NXNL2: variants seen among roughly 807,000 people sequenced by gnomAD.
NXNL2 encodes nucleoredoxin like 2, also known as nucleoredoxin-like protein 2.
A neutral mutation model predicts 11.1 loss-of-function variants in NXNL2; 7 were observed. The ratio of observed to expected loss-of-function variants is 0.63; its 90% confidence interval spans 0.36 to 1.18. NXNL2 has a LOEUF of 1.18. Among genes scored for constraint, NXNL2 ranks in the 50% most tolerant of loss-of-function variants. The pLI is 0.02. For missense variants in NXNL2, 233 were observed against 217.7 expected, an observed-to-expected ratio of 1.07 and a Z score of -0.44; for synonymous variants, 109 against 101.8, an observed-to-expected ratio of 1.07 and a Z score of -0.42.
Position 88,553,675 on chromosome 9 carries a change from G to A in NXNL2, c.303-17412G>A, listed in dbSNP as rs117321517. Among the ~76,000 whole-genome samples the A allele has an allele frequency of 5.8e-4, 89 of 152,258 alleles. 1 individual carries two copies. In the East Asian group the frequency reaches 0.017, roughly 28 times the overall value. On this transcript the variant is annotated intron_variant, in intron 1 of 2. Coordinates refer to the NXNL2 transcript ENST00000375855. ...CTAGCTGTGGAGTGACAGAGAGAGGGCTGGCTAGGGACATAAGAAATCATA... is the reference window on the plus strand; with the variant it reads ...CTAGCTGTGGAGTGACAGAGAGAGGACTGGCTAGGGACATAAGAAATCATA...
rs761992428 is a variant in NXNL2, at chr9:88,544,526, C to T, written c.450C>T (p.Ile150=). 54 of 1,541,938 alleles carry T rather than the reference C, an allele frequency of 3.5e-5. No homozygotes were observed. Among genetic ancestry groups the T allele is most frequent in the Non-Finnish European group, 4.6e-5 (53 of 1,142,006 alleles). ...AGGACTGGGTGGAGGCGGCCGATAT[C>T]TTCCAGAATTTCTCCGTTTGAAGTG... is the stretch of plus-strand genomic sequence containing the variant. ...CFQDWVEAAD[I]FQNFSV Residue 150 remains isoleucine (I), a synonymous_variant, in exon 2 of 2, where the codon ATC becomes ATT. Coordinates refer to ENST00000375854, the MANE Select transcript of NXNL2 (RefSeq NM_001161625.2).
rs751445572 is a variant in NXNL2 at position 88,544,500 on chromosome 9, C to T, written c.424C>T (p.Gln142Ter). 8 of 1,550,954 alleles carry T rather than the reference C, an allele frequency of 5.2e-6. No individual in the cohort carries two copies. Among genetic ancestry groups the T allele is most frequent in the Non-Finnish European group, 7.0e-6 (8 of 1,146,684 alleles). Residue 142 changes from glutamine to a stop codon, truncating the protein, a stop_gained, in exon 2 of 2, where the codon CAG becomes TAG. Transcript: ENST00000375854. LOFTEE classifies it high-confidence loss of function. Reference sequence around the variant, plus strand: ...CCGGGAACGGGGGTTGGCCTGCTTCCAGGACTGGGTGGAGGCGGCCGATAT... The same window carrying T: ...CCGGGAACGGGGGTTGGCCTGCTTCTAGGACTGGGTGGAGGCGGCCGATAT... ...QIRERGLACFQDWVEAADIFQ... is the reference protein window; with the variant it reads ...QIRERGLACF
chr9:88,559,676 TCA>T (rs1225903479), intron 1 of NXNL2, among the ~76,000 whole-genome samples: 7 of 152,202 alleles, frequency 4.6e-5, no homozygotes, highest in Non-Finnish European at 4.4e-5. Context: ...GGTCAGAGCT[TCA>T]TTCTACTCGC....
At chr9:88,553,089 G>A (rs767843428) in intron 1 of NXNL2, among the ~76,000 whole-genome samples, 4 of 152,136 alleles carry the variant, frequency 2.6e-5, no homozygotes, top group Non-Finnish European at 5.9e-5. Context: ...TTCAGTGAAT[G>A]CCGTAATAAT....
chr9:88,557,376 T>TCAAATTTTC (rs565624416), intron 1 of NXNL2, among the ~76,000 whole-genome samples: 2 of 152,200 alleles, frequency 1.3e-5, no homozygotes, highest in Non-Finnish European at 2.9e-5. Context: ...ATGCTGGGCA[T>TCAAATTTTC]CAAATTTTCC....
exon 3 of NXNL2, chr9:88,575,400 C>A: frequency 6.5e-6 from 1 of 154,716 alleles, no homozygotes; most frequent in Non-Finnish European, 1.4e-5. Context: ...GGTACATATA[C>A]ACAATGGAGT....
chr9:88,551,515 A>G (rs1829931783), intron 1 of NXNL2, among the ~76,000 whole-genome samples: 2 of 151,734 alleles, frequency 1.3e-5, no homozygotes, highest in South Asian at 4.2e-4. Context: ...TTCCCTTCCT[A>G]TCTCTCTTTC....
At position 88,544,433 on chromosome 9, in the gene NXNL2, A is replaced by T. The variant is rs1829819156; in HGVS notation, c.357A>T (p.Lys119Asn). The T allele has an allele frequency of 1.3e-6, 2 of 1,551,902 alleles. No homozygotes were observed. The highest frequency in any genetic ancestry group is 4.9e-5 in the East Asian group (2 of 40,910). The change falls in exon 2 of 2, where the codon AAA (lysine) becomes AAT (asparagine). Residue 119 changes from lysine to asparagine, a missense_variant. Lys to Asn is a moderately conservative substitution (Grantham distance 94). Coordinates refer to ENST00000375854, the MANE Select transcript of NXNL2 (RefSeq NM_001161625.2). ...CCATCCCCAAGCTTGTGATTGTGAA[A>T]CAAAATGGGGAGGTCATCACCAACA... ...VTAIPKLVIV[K>N]QNGEVITNKG...
At chr9:88,555,816 A>G (rs538355152) in intron 1 of NXNL2, among the ~76,000 whole-genome samples, 15 of 152,006 alleles carry the variant, frequency 9.9e-5, no homozygotes, top group South Asian at 6.2e-4. Flanking sequence ...CAGATCCTTC[A>G]CCTTCTGTGG....
At chr9:88,580,720 C>T (rs1830400223), downstream of NXNL2, among the ~76,000 whole-genome samples, 2 of 152,176 alleles carry the variant, frequency 1.3e-5, no homozygotes, top group Non-Finnish European at 1.5e-5. Flanking sequence ...GTACTGTTAA[C>T]GAATCCACCC....
exon 3 of NXNL2, chr9:88,575,159 C>T (rs1486640168): frequency 7.1e-6 from 7 of 985,204 alleles, no homozygotes; most frequent in Admixed American, 6.2e-5. Flanking sequence ...GCTGTTCTCC[C>T]CCCGCACCAT....
chr9:88,537,446 A>G (rs1829650419), intron 1 of NXNL2, among the ~76,000 whole-genome samples: 1 of 152,200 alleles, frequency 6.6e-6, no homozygotes, highest in Non-Finnish European at 1.5e-5. Flanking sequence ...GACGTGGGTC[A>G]GCTGTGTGCT....
At chr9:88,535,869 C>A in intron 1 of NXNL2, 133 bp downstream of exon 1, 1 of 696,608 alleles carries the variant, frequency 1.4e-6, no homozygotes, top group Non-Finnish European at 2.3e-6. Flanking sequence ...GGTTCACGTC[C>A]GGACTCCGGT....
At chr9:88,565,714 T>G (rs906901220) in intron 1 of NXNL2, among the ~76,000 whole-genome samples, 3 of 152,024 alleles carry the variant, frequency 2.0e-5, no homozygotes, top group Non-Finnish European at 2.9e-5. Flanking sequence ...ATTTTGTATT[T>G]TTAGTAGAGA....
At chr9:88,543,163 G>A (rs1829793569) in intron 1 of NXNL2, among the ~76,000 whole-genome samples, 1 of 152,092 alleles carries the variant, frequency 6.6e-6, no homozygotes. Flanking sequence ...TGTAAAATGA[G>A]GCTAAGAAAC....
At chr9:88,568,500 C>T (rs1830211042) in intron 1 of NXNL2, among the ~76,000 whole-genome samples, 1 of 152,224 alleles carries the variant, frequency 6.6e-6, no homozygotes, top group African/African-American at 2.4e-5. Flanking sequence ...CCCAGGGGAT[C>T]AGCACTGAGG....
At chr9:88,548,339 CAAAAAAAAAAAAAAAAAAAAA>C (rs60796870), downstream of NXNL2, among the ~76,000 whole-genome samples, 53 of 31,026 alleles carry the variant, frequency 1.7e-3, no homozygotes, top group Non-Finnish European at 2.4e-3. Context: ...GACTTTTTCT[CAAAAAAAAAAAAAAAAAAAAA>C]AAAAAAAAAA....
At chr9:88,546,929 A>C (rs1829853675), downstream of NXNL2, among the ~76,000 whole-genome samples, 1 of 152,200 alleles carries the variant, frequency 6.6e-6, no homozygotes, top group Non-Finnish European at 1.5e-5. Context: ...GTTTTAGTCC[A>C]TCTATATGTC....
intron 1 of NXNL2, among the ~76,000 whole-genome samples, chr9:88,565,125 C>A (rs192984006): frequency 8.5e-4 from 130 of 152,330 alleles, no homozygotes; most frequent in African/African-American, 2.8e-3. Flanking sequence ...TGTCCTCCTG[C>A]ACCTGGTTTA....
Sources: gnomAD v4.1 joint callset for allele counts (sites outside exome capture counted in the v4.1 genomes callset) on GRCh38, gnomAD v4.1.1 for gene constraint, MANE v1.5 for transcripts, NCBI Gene and HGNC (gene_info 2026-07-23, HGNC 2026-07-21) for gene names.